Variants in PARP6 observed in about 807,000 individuals in gnomAD.
The protein encoded by PARP6 is protein mono-ADP-ribosyltransferase PARP6.
Under a neutral mutation model 92.0 loss-of-function variants are expected in PARP6, and 27 were observed. The ratio of observed to expected loss-of-function variants is 0.29; its 90% CI spans 0.22 to 0.40. The LOEUF is 0.40. PARP6 is among the 10% of genes least tolerant of loss of function. PARP6 has a pLI of 1.00. For synonymous variants in PARP6, 272 were observed against 281.2 expected (o/e 0.97, Z 0.33); for missense variants, 501 against 784.5 (o/e 0.64, Z 4.32).
chr15:72,246,561 G>A (rs1003534061), intron 20 of PARP6, among the ~76,000 whole-genome samples: 1 of 152,020 alleles, frequency 6.6e-6, no homozygotes, highest in Non-Finnish European at 1.5e-5. Context: ...TCCCTTTGGA[G>A]GTAATCACTA....
At chr15:72,252,486 T>C (rs1225624345) in intron 16 of PARP6, among the ~76,000 whole-genome samples, 2 of 151,642 alleles carry the variant, frequency 1.3e-5, no homozygotes, top group African/African-American at 4.9e-5. Context: ...ACACAATACA[T>C]GTAATTTTTT....
chr15:72,264,746 G>A (rs1449879756), intron 7 of PARP6, 125 bp from the exon 8 acceptor site: 12 of 713,498 alleles, frequency 1.7e-5, no homozygotes, highest in Non-Finnish European at 2.4e-5. Context: ...AACAGTAACG[G>A]TGGAAGAAAA....
At chr15:72,264,932 C>T (rs1470902095) in intron 7 of PARP6, 149 bp downstream of exon 7, 6 of 622,530 alleles carry the variant, frequency 9.6e-6, no homozygotes, top group East Asian at 8.2e-5. Flanking sequence ...GATGAAGATA[C>T]CAATTACAGG....
rs754936365 is a variant in PARP6 at position 72,241,324 on chromosome 15, C to A, written c.*131G>T. 1.4e-6 allele frequency: 1 copy of A among 725,912 alleles called. No individual in the cohort carries two copies. Among genetic ancestry groups the A allele is most frequent in the South Asian group, 1.5e-5 (1 of 67,368 alleles). 45.0% of individuals were successfully genotyped at this position (725,912 alleles called of 1,614,324 possible). ...GCTCTACCATGAAGGCCACCTCTTACATATCCTTTTCCTGCCCCTTGGTAA... is the reference window on the plus strand; with the variant it reads ...GCTCTACCATGAAGGCCACCTCTTAAATATCCTTTTCCTGCCCCTTGGTAA... On this transcript the variant is annotated 3_prime_UTR_variant, in exon 24 of 24. Coordinates refer to ENST00000569795, the MANE Select transcript of PARP6 (RefSeq NM_001323532.2). The surrounding 1 kb of genome is among the most constrained non-coding windows in gnomAD (Gnocchi z 4.1).
intron 17 of PARP6, 47 bp downstream of exon 17, chr15:72,251,160 C>A: frequency 1.5e-6 from 2 of 1,299,652 alleles, no homozygotes; most frequent in Non-Finnish European, 2.2e-6. Flanking sequence ...CCCCTCCCTG[C>A]CCCTCACCAG....
Position 72,259,641 on chromosome 15 carries a change from G to C in PARP6, c.777C>G (p.Asn259Lys). ...TSPLVSGHCK[N>K]IPTLEYGFLV... The stretch of plus-strand genomic sequence containing the variant: ...GGAATCCATACTCCAGAGTGGGAAT[G>C]TTCTTGCAGTGACCACTGACCTGGT... Residue 259 changes from asparagine to lysine, a missense_variant, in exon 11 of 24, where the codon AAC (asparagine) becomes AAG (lysine). Around this residue, in one of 4 missense-constraint regions of PARP6, gnomAD observed 291 missense variants for 352.0 expected, o/e 0.83. Coordinates refer to ENST00000569795, the MANE Select transcript of PARP6 (RefSeq NM_001323532.2). 6.2e-7 allele frequency: 1 copy of C among 1,614,060 alleles called. No individual in the cohort carries two copies. The highest frequency in any genetic ancestry group is 8.5e-7 in the Non-Finnish European group (1 of 1,179,938).
Position 72,242,017 on chromosome 15 carries a change from C to T in PARP6, c.1706-32G>A. On this transcript the variant is annotated intron_variant, in intron 22 of 23. Coordinates refer to ENST00000569795, the MANE Select transcript of PARP6 (RefSeq NM_001323532.2). This position sits in a 1 kb window ranked among gnomAD's most constrained non-coding sequence, Gnocchi z 4.3. ...GAAAGAGGGCCAGAAATCATAGATA[C>T]AATGCTTAAGGCACAGAGTCCAGGC... is the stretch of plus-strand genomic sequence containing the variant. The T allele has an allele frequency of 6.5e-7, 1 of 1,549,262 alleles. No individual in the cohort carries two copies. The highest frequency in any genetic ancestry group is 8.9e-7 in the Non-Finnish European group (1 of 1,120,978).
chr15:72,266,173 C>T (rs180719230), intron 4 of PARP6, among the ~76,000 whole-genome samples, 182 bp from the exon 5 acceptor site: 4 of 152,298 alleles, frequency 2.6e-5, no homozygotes, highest in Non-Finnish European at 1.5e-5. Context: ...ATTTCATTAA[C>T]AGAGGTCTCC....
chr15:72,248,366 G>T (rs1435487442), intron 20 of PARP6, among the ~76,000 whole-genome samples: 1 of 150,496 alleles, frequency 6.6e-6, no homozygotes, highest in Non-Finnish European at 1.5e-5. Flanking sequence ...TTTTGAGACG[G>T]GGTCTCCCTC....
At position 72,267,790 on chromosome 15, in the gene PARP6, C is replaced by T. The variant is rs187232032; in HGVS notation, c.-194-119G>A. 1.5e-4 allele frequency: 38 copies of T among 256,196 alleles called. 1 individual carries two copies. In the Admixed American group the frequency reaches 1.9e-3, roughly 13 times the overall value. 15.9% of individuals were successfully genotyped at this position (256,196 alleles called of 1,614,324 possible). On this transcript the variant is annotated intron_variant, in intron 2 of 23. Transcript: ENST00000569795. ...TTTTGAGACAGAGTTTCGCTCTTGT[C>T]GCCCAGGCTGGAGTGCAATGGCGCG...
At chr15:72,265,544 A>G in intron 5 of PARP6, 71 bp from the exon 6 acceptor site, 1 of 1,192,214 alleles carries the variant, frequency 8.4e-7, no homozygotes, top group Non-Finnish European at 1.3e-6. Context: ...CTGAGTTGGA[A>G]AGAGAACTGA....
At chr15:72,254,327 G>T in intron 15 of PARP6, 128 bp downstream of exon 15, 1 of 661,314 alleles carries the variant, frequency 1.5e-6, no homozygotes, top group Non-Finnish European at 2.7e-6. Flanking sequence ...GGTTAAAGAG[G>T]AAAGACTAAA....
chr15:72,261,530 C>T lies in PARP6; in HGVS notation c.545+28G>A, dbSNP rs780007544. The stretch of plus-strand genomic sequence containing the variant: ...GGTGGGGGCTATCACAAGGTGTTTA[C>T]AGATGATCAGCTTTAGGGAGCACTT... On this transcript the variant is annotated intron_variant, in intron 9 of 23. Transcript: ENST00000569795. 1.1e-5 allele frequency: 17 copies of T among 1,609,144 alleles called. No homozygotes were observed. The South Asian group carries it at 1.9e-4, about 18-fold the overall frequency.
chr15:72,260,578 T>G lies in PARP6; in HGVS notation c.656A>C (p.Asn219Thr). 1 of 1,614,040 alleles carries G rather than the reference T, an allele frequency of 6.2e-7. No individual in the cohort carries two copies. The highest frequency in any genetic ancestry group is 8.5e-7 in the Non-Finnish European group (1 of 1,179,998). Residue 219 changes from asparagine to threonine, a missense_variant, in exon 10 of 24, where the codon AAC becomes ACC. Transcript: ENST00000569795. ...GTAGCCAAACACTTCCACTTTGGGG[T>G]TCTTCATGGTACAGGAGATGGAACG... ...MNRSISCTMKNPKVEVFGYPP... is the reference protein window; with the variant it reads ...MNRSISCTMKTPKVEVFGYPP...
chr15:72,271,725 CTGATT>C (rs1159590946), intron 1 of PARP6, among the ~76,000 whole-genome samples: 1 of 152,176 alleles, frequency 6.6e-6, no homozygotes, highest in Non-Finnish European at 1.5e-5. Context: ...AAAGACCTAT[CTGATT>C]TATCTAAATG....
At chr15:72,253,394 T>A in intron 16 of PARP6, 43 bp downstream of exon 16, 5 of 1,484,366 alleles carry the variant, frequency 3.4e-6, no homozygotes, top group Non-Finnish European at 4.7e-6. Context: ...AATAACTCCC[T>A]CCCTCCCCAT....
chr15:72,272,021 G>A (rs2087511054), intron 1 of PARP6, among the ~76,000 whole-genome samples: 1 of 152,156 alleles, frequency 6.6e-6, no homozygotes, highest in Admixed American at 6.5e-5. Flanking sequence ...TCCTGGAGGA[G>A]GTTACTCCAC....
rs373447848 is a variant in PARP6, at chr15:72,267,620, G to C, written c.-143C>G. 4.9e-6 allele frequency: 4 copies of C among 818,760 alleles called. No homozygotes were observed. The highest frequency in any genetic ancestry group is 5.0e-5 in the East Asian group (2 of 40,204). 50.7% of individuals were successfully genotyped at this position (818,760 alleles called of 1,614,324 possible). A position where few individuals can be genotyped will look rare whatever the true frequency, so the allele number is the denominator to read the frequency against. ...GGGCACGATGTCAGGGACAACTGGT[G>C]ATCTGTTGGGGATGGCAGGCTCTGC... On this transcript the variant is annotated 5_prime_UTR_variant, in exon 3 of 24. In the 5' UTR this introduces an upstream ATG that the reference lacks. Coordinates refer to ENST00000569795, the MANE Select transcript of PARP6 (RefSeq NM_001323532.2).
chr15:72,245,275 A>C (rs576598028), intron 20 of PARP6: 1 of 152,398 alleles, frequency 6.6e-6, no homozygotes, highest in Non-Finnish European at 1.5e-5. Context: ...AGGCAGGAGA[A>C]TGGCGTGAAC....
Sources: allele counts gnomAD v4.1 joint callset (sites outside exome capture counted in the v4.1 genomes callset), GRCh38; gene constraint gnomAD v4.1.1; regional missense constraint gnomAD v4.1.1; non-coding constraint Gnocchi (gnomAD v3.1); transcripts MANE v1.5; gene names NCBI Gene and HGNC (gene_info 2026-07-23, HGNC 2026-07-21).